Variants in RPL35 observed in about 807,000 individuals in gnomAD.
The protein encoded by RPL35 is ribosomal protein L35.
A neutral mutation model predicts 15.6 loss-of-function variants in RPL35; 2 were observed. The observed-to-expected ratio is 0.13, with a 90% CI of 0.05 to 0.40. RPL35 has a LOEUF of 0.40. Among genes scored for constraint, RPL35 ranks in the 10% least tolerant of loss-of-function variants. The pLI is 0.99. For missense variants in RPL35, 111 were observed against 164.7 expected, an observed-to-expected ratio of 0.67 and a Z score of 1.79; for synonymous variants, 93 against 67.9, an observed-to-expected ratio of 1.37 and a Z score of -1.82.
chr9:124,858,452 C>T (rs1177387807), intron 3 of RPL35: 7 of 715,722 alleles, frequency 9.8e-6, no homozygotes, highest in African/African-American at 1.7e-5. Flanking sequence ...GGGTAGTTAC[C>T]ATTACCTCGG....
chr9:124,860,013 C>A (rs1829171769), intron 3 of RPL35, among the ~76,000 whole-genome samples, 170 bp downstream of exon 3: 1 of 152,188 alleles, frequency 6.6e-6, no homozygotes, highest in Non-Finnish European at 1.5e-5. Flanking sequence ...GTCTGCAGAG[C>A]CACGTGCCAG....
intron 2 of RPL35, among the ~76,000 whole-genome samples, chr9:124,860,745 G>A (rs185199784): frequency 1.3e-5 from 2 of 152,278 alleles, no homozygotes; most frequent in East Asian, 1.9e-4. Context: ...GTAGACAGCT[G>A]GTCAACATGG....
At chr9:124,861,129 T>C (rs1829190275) in intron 2 of RPL35, 1 of 387,360 alleles carries the variant, frequency 2.6e-6, no homozygotes, top group Non-Finnish European at 4.7e-6. Flanking sequence ...GCCACCCACC[T>C]GCCAAGGGGG....
rs1315439576 is a variant in RPL35 at position 124,860,271 on chromosome 9, AAC to A, written c.141-9_141-8del. On this transcript the variant is annotated splice_polypyrimidine_tract_variant and splice_region_variant and intron_variant, in intron 2 of 3. Transcript: ENST00000348462. ...GGATTTCCGGACGACTCGGCTACAAAACAGAGATGTCAGTGAAGATAGGGAAG... is the reference window on the plus strand; with the variant it reads ...GGATTTCCGGACGACTCGGCTACAAAAGAGATGTCAGTGAAGATAGGGAAG... 1.2e-6 allele frequency: 2 copies of A among 1,611,250 alleles called. No homozygotes were observed. The highest frequency in any genetic ancestry group is 2.7e-5 in the African/African-American group (2 of 74,882).
At chr9:124,861,586 G>A in intron 1 of RPL35, 31 bp from the exon 2 acceptor site, 7 of 1,609,780 alleles carry the variant, frequency 4.3e-6, no homozygotes, top group Non-Finnish European at 5.1e-6. Flanking sequence ...GCCTCAGCCA[G>A]GCCGCGGGGC....
At chr9:124,859,702 C>T (rs1231439289) in intron 3 of RPL35, among the ~76,000 whole-genome samples, 1 of 152,192 alleles carries the variant, frequency 6.6e-6, no homozygotes, top group African/African-American at 2.4e-5. Flanking sequence ...GGGCCAGACA[C>T]CTGTGCACAC....
chr9:124,858,441 G>A (rs1380421223), intron 3 of RPL35: 2 of 714,588 alleles, frequency 2.8e-6, no homozygotes, highest in Non-Finnish European at 5.2e-6. Flanking sequence ...CCAAGCCCCG[G>A]GGGTAGTTAC....
chr9:124,860,112 A>G (rs1564308397), intron 3 of RPL35, 71 bp downstream of exon 3: 3 of 1,149,286 alleles, frequency 2.6e-6, no homozygotes, highest in South Asian at 2.4e-5. Flanking sequence ...CCTCTTTACC[A>G]TGTCCCCGGC....
chr9:124,860,372 C>T, intron 2 of RPL35, 108 bp from the exon 3 acceptor site: 1 of 903,460 alleles, frequency 1.1e-6, no homozygotes, highest in South Asian at 1.3e-5. Flanking sequence ...ATCAACCCAT[C>T]CATATTCACT....
At chr9:124,861,651 C>T in intron 1 of RPL35, 96 bp from the exon 2 acceptor site, 3 of 1,523,360 alleles carry the variant, frequency 2.0e-6, no homozygotes, top group Non-Finnish European at 2.7e-6. Context: ...TCGCCATCGA[C>T]TACGAGTGCG....
At chr9:124,859,381 G>T (rs560771725) in intron 3 of RPL35, among the ~76,000 whole-genome samples, 4 of 152,308 alleles carry the variant, frequency 2.6e-5, no homozygotes, top group Admixed American at 2.0e-4. Flanking sequence ...CCATTTTGCA[G>T]ATGAAATTAA....
At chr9:124,860,714 T>C (rs1401685467) in intron 2 of RPL35, among the ~76,000 whole-genome samples, 1 of 152,192 alleles carries the variant, frequency 6.6e-6, no homozygotes, top group Non-Finnish European at 1.5e-5. Context: ...TGTAGTCATG[T>C]CAGGATGAGG....
At chr9:124,860,102 CCT>C in intron 3 of RPL35, 79 bp downstream of exon 3, 1 of 1,058,414 alleles carries the variant, frequency 9.4e-7, no homozygotes, top group Non-Finnish European at 1.5e-6. Flanking sequence ...CCAAGAAAAA[CCT>C]CTTTACCATG....
intron 3 of RPL35, chr9:124,858,429 C>T: frequency 1.4e-6 from 1 of 711,388 alleles, no homozygotes; most frequent in South Asian, 1.5e-5. Flanking sequence ...ACGCAGCACC[C>T]ACCAAGCCCC....
At chr9:124,859,587 C>T (rs1564308251) in intron 3 of RPL35, among the ~76,000 whole-genome samples, 1 of 152,152 alleles carries the variant, frequency 6.6e-6, no homozygotes, top group Non-Finnish European at 1.5e-5. Flanking sequence ...ACATTGGATG[C>T]ATGTGCACAC....
intron 2 of RPL35, 126 bp downstream of exon 2, chr9:124,861,293 G>C (rs541663306): frequency 1.6e-6 from 2 of 1,220,020 alleles, no homozygotes; most frequent in South Asian, 2.8e-5. Flanking sequence ...TCTCCCATGC[G>C]CGCCAGGATG....
chr9:124,861,399 G>C lies in RPL35; in HGVS notation c.140+20C>G. 6.2e-7 allele frequency: 1 copy of C among 1,605,930 alleles called. No individual in the cohort carries two copies. Among genetic ancestry groups the C allele is most frequent in the Non-Finnish European group, 8.5e-7 (1 of 1,176,092 alleles). On this transcript the variant is annotated intron_variant, in intron 2 of 3. Transcript: ENST00000348462. ...CGTGCTCCCCACCCACGAGGGCTGTGATCCGGCCGCCTCACTTACATCTTA... is the reference window on the plus strand; with the variant it reads ...CGTGCTCCCCACCCACGAGGGCTGTCATCCGGCCGCCTCACTTACATCTTA...
At chr9:124,859,567 T>C (rs774143481) in intron 3 of RPL35, among the ~76,000 whole-genome samples, 11 of 152,142 alleles carry the variant, frequency 7.2e-5, no homozygotes, top group Non-Finnish European at 1.5e-4. Context: ...CTATGCCCAT[T>C]CTTCAGAATA....
chr9:124,861,925 C>T lies in RPL35; in HGVS notation c.-13G>A, dbSNP rs767263609. On this transcript the variant is annotated 5_prime_UTR_variant, in exon 1 of 4. Transcript: ENST00000348462. ...CAGCTCTCACCATTGCTGCACAAGC[C>T]GCCAACGCCGCCGCCCGCTCCGAGG... 1.6e-5 allele frequency: 26 copies of T among 1,599,694 alleles called. No individual in the cohort carries two copies. The South Asian group carries it at 2.9e-4, about 18-fold the overall frequency.
Sources: gnomAD v4.1 joint callset for allele counts (sites outside exome capture counted in the v4.1 genomes callset) on GRCh38, gnomAD v4.1.1 for gene constraint, MANE v1.5 for transcripts, NCBI Gene and HGNC (gene_info 2026-07-23, HGNC 2026-07-21) for gene names.